Variants in SERPINE3 observed in about 807,000 individuals in gnomAD.
SERPINE3 encodes serpin E3.
Under a neutral mutation model 41.7 loss-of-function variants are expected in SERPINE3, and 43 were observed. That is an observed-to-expected ratio of 1.03 (90% CI 0.81 to 1.33). The LOEUF is 1.33. Among genes scored for constraint, SERPINE3 ranks in the 40% most tolerant of loss-of-function variants. SERPINE3 has a pLI of 0.00. For missense variants in SERPINE3, 440 were observed against 491.7 expected (o/e 0.89, Z 0.99); for synonymous variants, 200 against 192.2 (o/e 1.04, Z -0.34).
chr13:51,364,289 G>GT lies in SERPINE3; in HGVS notation c.*9dup, dbSNP rs1955642262. On this transcript the variant is annotated 3_prime_UTR_variant, in exon 10 of 10. Coordinates refer to ENST00000681248, the MANE Select transcript of SERPINE3 (RefSeq NM_001386375.1). ...TTCAAATCCCCTAGACTAAATGCATGTTCTCCACTTTCATCAATGCTTTTC... is the reference window on the plus strand; with the variant it reads ...TTCAAATCCCCTAGACTAAATGCATGTTTCTCCACTTTCATCAATGCTTTTC... 1 of 1,443,114 alleles carries GT rather than the reference G, an allele frequency of 6.9e-7. No homozygotes were observed. The highest frequency in any genetic ancestry group is 2.1e-5 in the Admixed American group (1 of 48,444). The allele number at this position is 1,443,114 out of a possible 1,614,324, so 89.4% of individuals were successfully genotyped here.
intron 7 of SERPINE3, 123 bp from the exon 8 acceptor site, chr13:51,361,155 A>C: frequency 1.7e-6 from 1 of 602,456 alleles, no homozygotes; most frequent in Admixed American, 2.7e-5. Context: ...CTCTTTCCCT[A>C]GCTACACAGT....
At chr13:51,357,418 A>T (rs573052945) in intron 7 of SERPINE3, among the ~76,000 whole-genome samples, 3 of 152,248 alleles carry the variant, frequency 2.0e-5, no homozygotes, top group Admixed American at 1.3e-4. Context: ...TGATCAGAAA[A>T]TACTGGCCTC....
Position 51,361,796 on chromosome 13 carries a change from T to C in SERPINE3, c.1088-14T>C, listed in dbSNP as rs1955582183. On this transcript the variant is annotated splice_polypyrimidine_tract_variant and intron_variant, in intron 8 of 9. Transcript: ENST00000681248. Reference sequence around the variant, plus strand: ...CACAGAAAATGCAATGGAATTTTTCTTTCTTTCCTGCAGCTCTGTTGTTAT... The same window carrying C: ...CACAGAAAATGCAATGGAATTTTTCCTTCTTTCCTGCAGCTCTGTTGTTAT... The C allele has an allele frequency of 6.4e-7, 1 of 1,572,964 alleles. No individual in the cohort carries two copies. Among genetic ancestry groups the C allele is most frequent in the Admixed American group, 2.1e-5 (1 of 48,014 alleles).
intron 6 of SERPINE3, among the ~76,000 whole-genome samples, chr13:51,349,622 G>C (rs1321953234): frequency 6.6e-6 from 1 of 152,246 alleles, no homozygotes; most frequent in Middle Eastern, 3.4e-3. Flanking sequence ...ACTCATCCTC[G>C]AGCAGTTCTT....
At chr13:51,345,293 T>A (rs1955334998) in intron 4 of SERPINE3, among the ~76,000 whole-genome samples, 1 of 152,016 alleles carries the variant, frequency 6.6e-6, no homozygotes, top group Non-Finnish European at 1.5e-5. Context: ...ATTTCAAAAG[T>A]TTCATAGCAA....
intron 1 of SERPINE3, among the ~76,000 whole-genome samples, 195 bp downstream of exon 1, chr13:51,339,938 G>C (rs1484356185): frequency 6.6e-6 from 1 of 152,152 alleles, no homozygotes; most frequent in Middle Eastern, 3.2e-3. Flanking sequence ...GAAAGAAAGA[G>C]AGAGAGAGAG....
chr13:51,347,612 C>T (rs1045324678), intron 5 of SERPINE3, among the ~76,000 whole-genome samples: 13 of 152,166 alleles, frequency 8.5e-5, no homozygotes, highest in Non-Finnish European at 1.6e-4. Context: ...CATGATTTTG[C>T]TTTTTTGAGG....
At chr13:51,347,963 C>T (rs537665664) in intron 5 of SERPINE3, among the ~76,000 whole-genome samples, 11 of 152,090 alleles carry the variant, frequency 7.2e-5, no homozygotes, top group African/African-American at 2.4e-4. Flanking sequence ...TCGTCCCCCC[C>T]CCCATACCCA....
intron 6 of SERPINE3, among the ~76,000 whole-genome samples, chr13:51,353,873 A>G (rs1410944051): frequency 6.6e-6 from 1 of 152,044 alleles, no homozygotes; most frequent in African/African-American, 2.4e-5. Flanking sequence ...TTCCATTTTG[A>G]TCTTTTTTAT....
At position 51,358,828 on chromosome 13, in the gene SERPINE3, T is replaced by C. The variant is rs530472364; in HGVS notation, c.1001-2450T>C. Among the ~76,000 whole-genome samples, 285 of 152,096 alleles carry C rather than the reference T, an allele frequency of 1.9e-3. 1 individual carries two copies. Among genetic ancestry groups the C allele is most frequent in the South Asian group, 5.0e-3 (24 of 4,824 alleles). On this transcript the variant is annotated intron_variant, in intron 7 of 9. Transcript: ENST00000681248. Reference sequence around the variant, plus strand: ...ACCCCTTTGCTTTGTATATAGAATGTTGTATTGTAGGAGCAAGCGAGTTTA... The same window carrying C: ...ACCCCTTTGCTTTGTATATAGAATGCTGTATTGTAGGAGCAAGCGAGTTTA...
rs941453531 is a variant in SERPINE3 at position 51,352,514 on chromosome 13, A to G, written c.900-2529A>G. On this transcript the variant is annotated intron_variant, in intron 6 of 9. Transcript: ENST00000681248. ...GGATTCTTTAGGGTTTTCTATGTAT[A>G]AGACCAAGTCATCTGTGAATAGAGA... Among the ~76,000 whole-genome samples the G allele has an allele frequency of 4.6e-5, 7 of 151,852 alleles. No homozygotes were observed. The East Asian group carries it at 1.3e-3, about 29-fold the overall frequency.
rs1955327131 is a variant in SERPINE3, at chr13:51,344,470, T to A, written c.475T>A (p.Ser159Thr). ...CGCCATCCAGACTAGCGAAGGGGCCTCCAGAGAGACTGCAGGTAAAAGAAA... is the reference window on the plus strand; with the variant it reads ...CGCCATCCAGACTAGCGAAGGGGCCACCAGAGAGACTGCAGGTAAAAGAAA... Reference protein sequence around the residue: ...STAIQTSEGASRETAGGGPSE... With the variant: ...STAIQTSEGATRETAGGGPSE... Residue 159 changes from serine to threonine, a missense_variant, in exon 4 of 10, where the codon TCC becomes ACC. Coordinates refer to ENST00000681248, the MANE Select transcript of SERPINE3 (RefSeq NM_001386375.1). The A allele has an allele frequency of 6.3e-7, 1 of 1,587,472 alleles. No individual in the cohort carries two copies. The highest frequency in any genetic ancestry group is 1.3e-5 in the African/African-American group (1 of 74,318).
At chr13:51,344,540 A>G in intron 4 of SERPINE3, 55 bp downstream of exon 4, 2 of 1,381,472 alleles carry the variant, frequency 1.4e-6, no homozygotes, top group South Asian at 1.2e-5. Flanking sequence ...GCAGAGACAG[A>G]GTCTCACCCA....
chr13:51,355,053 C>CA lies in SERPINE3; in HGVS notation c.914dup (p.Asn305LysfsTer19). Reference sequence around the variant, plus strand: ...GTTTTTGCCTTTTAGGTTTAGGATCCAAAATCAATTCAACTTAAAAAGCAT... The same window carrying CA: ...GTTTTTGCCTTTTAGGTTTAGGATCCAAAAATCAATTCAACTTAAAAAGCAT... On this transcript the variant is annotated frameshift_variant, in exon 7 of 10. Transcript: ENST00000681248. LOFTEE classifies it high-confidence loss of function. The CA allele has an allele frequency of 6.5e-7, 1 of 1,528,372 alleles. No homozygotes were observed. Among genetic ancestry groups the CA allele is most frequent in the Non-Finnish European group, 8.9e-7 (1 of 1,125,444 alleles). The allele number at this position is 1,528,372 out of a possible 1,614,324, so 94.7% of individuals were successfully genotyped here.
In SERPINE3 at chr13:51,347,033, C is replaced by T; in HGVS notation, c.499C>T (p.Pro167Ser). ...GASRETAGGGPSEGPGGWPWE... is the reference protein window; with the variant it reads ...GASRETAGGGSSEGPGGWPWE... ...TGCTTTCCTGCTTGCAGGTGGGGGC[C>T]CCAGTGAGGGCCCTGGTGGCTGGCC... Residue 167 changes from proline (P) to serine (S), a missense_variant, in exon 5 of 10, where the codon CCC (proline) becomes TCC (serine). Pro to Ser is a moderately conservative substitution (Grantham distance 74, BLOSUM62 -1). Transcript: ENST00000681248. 6.3e-7 allele frequency: 1 copy of T among 1,579,474 alleles called. No homozygotes were observed. Among genetic ancestry groups the T allele is most frequent in the South Asian group, 1.2e-5 (1 of 86,342 alleles).
intron 6 of SERPINE3, among the ~76,000 whole-genome samples, chr13:51,349,233 G>A (rs1173047922): frequency 1.3e-5 from 2 of 152,200 alleles, no homozygotes; most frequent in East Asian, 3.8e-4. Flanking sequence ...CAAAGGCAAA[G>A]TCCTTGGCAG....
rs1435991235 is a variant in SERPINE3, at chr13:51,355,038, T to TTTAGG, written c.900-2_902dup. 6.8e-7 allele frequency: 1 copy of TTTAGG among 1,470,056 alleles called. No homozygotes were observed. The highest frequency in any genetic ancestry group is 1.4e-5 in the African/African-American group (1 of 71,414). The allele number at this position is 1,470,056 out of a possible 1,614,324, so 91.1% of individuals were successfully genotyped here. On this transcript the variant is annotated splice_region_variant and splice_polypyrimidine_tract_variant and intron_variant, in intron 6 of 9. Coordinates refer to ENST00000681248, the MANE Select transcript of SERPINE3 (RefSeq NM_001386375.1). ...GAAAGTTGATGGTTTGTTTTTGCCT[T>TTTAGG]TTAGGTTTAGGATCCAAAATCAATT...
At chr13:51,360,215 T>C (rs148137092) in intron 7 of SERPINE3, among the ~76,000 whole-genome samples, 2 of 152,178 alleles carry the variant, frequency 1.3e-5, no homozygotes, top group East Asian at 1.9e-4. Context: ...TCACACAATA[T>C]GTGTTCATCA....
intron 9 of SERPINE3, 47 bp from the exon 10 acceptor site, chr13:51,364,192 G>A: frequency 2.2e-6 from 2 of 902,066 alleles, no homozygotes; most frequent in Non-Finnish European, 1.7e-6. Context: ...TTAAAGAACT[G>A]CATATGAAAA....
Sources: allele counts gnomAD v4.1 joint callset (sites outside exome capture counted in the v4.1 genomes callset), GRCh38; gene constraint gnomAD v4.1.1; transcripts MANE v1.5; gene names NCBI Gene and HGNC (gene_info 2026-07-23, HGNC 2026-07-21).